PAPSS2: variants seen among roughly 807,000 people sequenced by gnomAD.
PAPSS2 encodes bifunctional 3'-phosphoadenosine 5'-phosphosulfate synthase 2.
Under a neutral mutation model 66.5 loss-of-function variants are expected in PAPSS2, and 61 were observed. The ratio of observed to expected loss-of-function variants is 0.92; its 90% CI spans 0.75 to 1.14. The LOEUF (loss-of-function observed/expected upper bound fraction) is 1.14, where lower values mean the gene tolerates loss of function less well. Among genes scored for constraint, PAPSS2 ranks in the 50% most tolerant of loss-of-function variants. The probability of loss-of-function intolerance (pLI) is 0.00; values close to 1 mark genes in which losing one functional copy is unlikely to be tolerated. For missense variants in PAPSS2, 708 were observed against 789.6 expected, an observed-to-expected ratio of 0.90 and a Z score of 1.24; for synonymous variants, 289 against 287.5, an observed-to-expected ratio of 1.01 and a Z score of -0.05.
At position 87,714,780 on chromosome 10, in the gene PAPSS2, G is replaced by A; in HGVS notation, c.556G>A (p.Glu186Lys). Residue 186 changes from glutamate to lysine, a missense_variant, in exon 5 of 13, where the codon GAA (glutamate) becomes AAA (lysine). By Grantham distance (56) the Glu-to-Lys change is moderately conservative. Transcript: ENST00000456849. ...TATTGATTCTGATTATGAGAAACCT[G>A]AAACTCCTGAGCGTGTGCTTAAAAC... ...TGIDSDYEKP[E>K]TPERVLKTNL... The A allele has an allele frequency of 6.2e-7, 1 of 1,612,852 alleles. No homozygotes were observed. The highest frequency in any genetic ancestry group is 8.5e-7 in the Non-Finnish European group (1 of 1,178,886).
chr10:87,663,970 T>C (rs1589416079), intron 1 of PAPSS2, among the ~76,000 whole-genome samples: 1 of 152,144 alleles, frequency 6.6e-6, no homozygotes, highest in East Asian at 1.9e-4. Flanking sequence ...GCAGTGCTGC[T>C]ATAATGGGTC....
chr10:87,678,277 C>T (rs1852973417), intron 1 of PAPSS2, among the ~76,000 whole-genome samples: 1 of 152,048 alleles, frequency 6.6e-6, no homozygotes, highest in Admixed American at 6.6e-5. Context: ...TGTCTCTCAC[C>T]ATATACAAAA....
At chr10:87,745,314 T>G in intron 12 of PAPSS2, 83 bp downstream of exon 12, 2 of 1,061,550 alleles carry the variant, frequency 1.9e-6, no homozygotes, top group Non-Finnish European at 2.9e-6. Context: ...TGAAAAACTC[T>G]CCAGTGCATT....
intron 1 of PAPSS2, among the ~76,000 whole-genome samples, chr10:87,695,535 A>G (rs911346140): frequency 2.0e-5 from 3 of 152,248 alleles, no homozygotes; most frequent in Non-Finnish European, 2.9e-5. Flanking sequence ...CACCCGGGTC[A>G]GGACCAAGGC....
intron 9 of PAPSS2, among the ~76,000 whole-genome samples, chr10:87,739,415 A>G (rs546462653): frequency 7.9e-4 from 121 of 152,364 alleles, no homozygotes; most frequent in Non-Finnish European, 1.4e-3. Context: ...AAAATCAGAT[A>G]TAATTGAAGA....
chr10:87,727,359 G>A lies in PAPSS2; in HGVS notation c.956G>A (p.Ser319Asn). The change falls in exon 9 of 13, where the codon AGC (serine) becomes AAC (asparagine). Residue 319 changes from serine (S) to asparagine (N), a missense_variant. Transcript: ENST00000456849. ...GATAAGACACGGCTGGAAGGGTGCA[G>A]CAAGTTTGTCCTGGCACATGGTGGA... Reference protein sequence around the residue: ...AEDKTRLEGCSKFVLAHGGRR... With the variant: ...AEDKTRLEGCNKFVLAHGGRR... 2 of 1,614,088 alleles carry A rather than the reference G, an allele frequency of 1.2e-6. No individual in the cohort carries two copies. The highest frequency in any genetic ancestry group is 1.7e-6 in the Non-Finnish European group (2 of 1,179,980).
chr10:87,660,365 T>C (rs1458990922), intron 1 of PAPSS2: 1 of 442,676 alleles, frequency 2.3e-6, no homozygotes, highest in African/African-American at 2.0e-5. Context: ...TTTTCTTCTG[T>C]AGGGTCTCGG....
Position 87,709,288 on chromosome 10 carries a change from C to T in PAPSS2, c.120C>T (p.Phe40=). The T allele has an allele frequency of 6.2e-7, 1 of 1,610,030 alleles. No homozygotes were observed. The part of the protein sequence containing the change: ...RGQVVGTRGG[F]RGCTVWLTGL... The stretch of plus-strand genomic sequence containing the variant: ...AAGTGGTTGGAACAAGGGGTGGGTT[C>T]CGAGGATGTACCGTGTGGCTAACAG... The change falls in exon 2 of 13, where the codon TTC becomes TTT. Residue 40 remains phenylalanine (F), a synonymous_variant. Coordinates refer to ENST00000456849, the MANE Select transcript of PAPSS2 (RefSeq NM_001015880.2).
At chr10:87,708,853 T>TCACACA (rs1011012814) in intron 1 of PAPSS2, among the ~76,000 whole-genome samples, 13 of 152,242 alleles carry the variant, frequency 8.5e-5, no homozygotes, top group Non-Finnish European at 1.5e-4. Context: ...TTGTGTTGCA[T>TCACACA]GAATCAATGA....
intron 9 of PAPSS2, among the ~76,000 whole-genome samples, 191 bp downstream of exon 9, chr10:87,727,680 T>C (rs188046962): frequency 1.3e-5 from 2 of 152,344 alleles, no homozygotes; most frequent in African/African-American, 2.4e-5. Context: ...GTCTTTCTGT[T>C]TGAGGTCTGG....
rs1373614395 is a variant in PAPSS2 at position 87,677,124 on chromosome 10, G to A, written c.27+17116G>A. Among the ~76,000 whole-genome samples, 14 of 152,112 alleles carry A rather than the reference G, an allele frequency of 9.2e-5. No homozygotes were observed. In the East Asian group the frequency reaches 2.3e-3, roughly 25 times the overall value. ...CAGGAAAATTGCTTGAACCCGGGAG[G>A]CAGAGGCTGCAGTGAGCTGAGATCA... On this transcript the variant is annotated intron_variant, in intron 1 of 12. Transcript: ENST00000456849.
chr10:87,671,720 A>G (rs1252904279), intron 1 of PAPSS2, among the ~76,000 whole-genome samples: 1 of 152,208 alleles, frequency 6.6e-6, no homozygotes, highest in Non-Finnish European at 1.5e-5. Context: ...TTCGTGGTTC[A>G]GGGAGATTGT....
chr10:87,724,137 A>G (rs889716672), intron 8 of PAPSS2, among the ~76,000 whole-genome samples: 2 of 152,124 alleles, frequency 1.3e-5, no homozygotes, highest in Non-Finnish European at 2.9e-5. Context: ...ATTTTTTTAC[A>G]TTATCTAGAA....
At chr10:87,682,050 A>G (rs111616465) in intron 1 of PAPSS2, among the ~76,000 whole-genome samples, 2 of 152,358 alleles carry the variant, frequency 1.3e-5, no homozygotes, top group Non-Finnish European at 2.9e-5. Flanking sequence ...AGGCTTTTGA[A>G]GAAGGGACAT....
rs1392339051 is a variant in PAPSS2 at position 87,727,301 on chromosome 10, A to C, written c.898A>C (p.Ser300Arg). 6.2e-7 allele frequency: 1 copy of C among 1,613,304 alleles called. No homozygotes were observed. The highest frequency in any genetic ancestry group is 8.5e-7 in the Non-Finnish European group (1 of 1,179,970). The change falls in exon 9 of 13, where the codon AGC becomes CGC. Residue 300 changes from serine (S) to arginine (R), a missense_variant. Physicochemically the swap from Ser to Arg is moderately radical, Grantham distance 110 (BLOSUM62 -1). Coordinates refer to ENST00000456849, the MANE Select transcript of PAPSS2 (RefSeq NM_001015880.2). ...MALPDGVINMSIPIVLPVSAE... is the reference protein window; with the variant it reads ...MALPDGVINMRIPIVLPVSAE... The stretch of plus-strand genomic sequence containing the variant: ...TTCCACAGATGGCGTGATCAACATG[A>C]GCATCCCCATTGTACTGCCCGTCTC...
intron 11 of PAPSS2, among the ~76,000 whole-genome samples, chr10:87,743,883 T>C (rs1434948318): frequency 6.6e-6 from 1 of 152,098 alleles, no homozygotes; most frequent in East Asian, 1.9e-4. Context: ...GGTGGGCAGA[T>C]CACAAGGTCA....
chr10:87,745,026 A>T lies in PAPSS2; in HGVS notation c.1516A>T (p.Met506Leu), dbSNP rs1406342914. 5 of 1,614,084 alleles carry T rather than the reference A, an allele frequency of 3.1e-6. No homozygotes were observed. Among genetic ancestry groups the T allele is most frequent in the Middle Eastern group, 3.3e-4 (2 of 6,060 alleles). ...GGTCCAGTGGCACTGCAGGTCCCGG[A>T]TGATTGCGGGTGCCAATTTCTACAT... ...TEVQWHCRSR[M>L]IAGANFYIVG... Residue 506 changes from methionine to leucine, a missense_variant, in exon 12 of 13, where the codon ATG (methionine) becomes TTG (leucine). By Grantham distance (15) the Met-to-Leu change is conservative. Coordinates refer to ENST00000456849, the MANE Select transcript of PAPSS2 (RefSeq NM_001015880.2).
intron 1 of PAPSS2, among the ~76,000 whole-genome samples, chr10:87,664,989 T>G (rs1852797714): frequency 6.6e-6 from 1 of 152,174 alleles, no homozygotes; most frequent in Admixed American, 6.5e-5. Context: ...GAGGATGTAT[T>G]TGCTCTTAGG....
intron 7 of PAPSS2, among the ~76,000 whole-genome samples, chr10:87,717,736 A>C (rs1853549274): frequency 6.6e-6 from 1 of 151,780 alleles, no homozygotes; most frequent in Admixed American, 6.6e-5. Context: ...CAGATTTCTA[A>C]ATTTGTTTTG....
Sources: allele counts gnomAD v4.1 joint callset (sites outside exome capture counted in the v4.1 genomes callset), GRCh38; gene constraint gnomAD v4.1.1; transcripts MANE v1.5; gene names NCBI Gene and HGNC (gene_info 2026-07-23, HGNC 2026-07-21).